Variants in C4orf54 observed in about 807,000 individuals in gnomAD.
C4orf54 encodes chromosome 4 open reading frame 54.
A neutral mutation model predicts 80.1 loss-of-function variants in C4orf54; 67 were observed. The observed-to-expected ratio is 0.84, with a 90% CI of 0.69 to 1.03. C4orf54 has a LOEUF of 1.03. Among genes scored for constraint, C4orf54 ranks in the 50% least tolerant of loss-of-function variants. C4orf54 has a pLI of 0.00. For synonymous variants in C4orf54, 1,000 were observed against 917.0 expected (o/e 1.09, Z -1.64); for missense variants, 2,434 against 2,253.5 (o/e 1.08, Z -1.62).
In C4orf54 at chr4:99,645,902, G is replaced by A. The variant is rs1160372741; in HGVS notation, c.*36+3329C>T. Among the ~76,000 whole-genome samples the A allele has an allele frequency of 5.9e-5, 9 of 152,292 alleles. No individual in the cohort carries two copies. In the East Asian group the frequency reaches 1.5e-3, roughly 26 times the overall value. On this transcript the variant is annotated intron_variant, in intron 2 of 2. Coordinates refer to ENST00000511828, the MANE Select transcript of C4orf54 (RefSeq NM_001354435.2). ...TTGTGCCTTAATCACAATGTGAGATGAGAGTACTGAATAATAATAAAGTGA... is the reference window on the plus strand; with the variant it reads ...TTGTGCCTTAATCACAATGTGAGATAAGAGTACTGAATAATAATAAAGTGA...
chr4:99,653,745 A>G lies in C4orf54; in HGVS notation c.904T>C (p.Ser302Pro), dbSNP rs757929506. The change falls in exon 2 of 3, where the codon TCC (serine) becomes CCC (proline). Residue 302 changes from serine to proline, a missense_variant. Ser to Pro is a moderately conservative substitution (Grantham distance 74, BLOSUM62 -1). Coordinates refer to ENST00000511828, the MANE Select transcript of C4orf54 (RefSeq NM_001354435.2). ...STGALATSSSSLGFESESGES... is the reference protein window; with the variant it reads ...STGALATSSSPLGFESESGES... ...CCACTCTCACTCTCGAAGCCTAAGGATGAAGAGGAGGTGGCCAGAGCCCCT... is the reference window on the plus strand; with the variant it reads ...CCACTCTCACTCTCGAAGCCTAAGGGTGAAGAGGAGGTGGCCAGAGCCCCT... 3 of 1,535,670 alleles carry G rather than the reference A, an allele frequency of 2.0e-6. No individual in the cohort carries two copies. Among genetic ancestry groups the G allele is most frequent in the Admixed American group, 3.9e-5 (2 of 50,958 alleles).
Position 99,651,839 on chromosome 4 carries a change from A to G in C4orf54, c.2810T>C (p.Leu937Pro). 1 of 1,536,004 alleles carries G rather than the reference A, an allele frequency of 6.5e-7. No homozygotes were observed. The highest frequency in any genetic ancestry group is 8.7e-7 in the Non-Finnish European group (1 of 1,146,890). The change falls in exon 2 of 3, where the codon CTC becomes CCC. Residue 937 changes from leucine (L) to proline (P), a missense_variant. Transcript: ENST00000511828. ...CCGGAACGCACTGTTCTGACTACGG[A>G]GGAAGATGCCCTTGACGGTCTCTGA... ...SASETVKGIF[L>P]RSQNSAFRSW...
chr4:99,649,883 G>C lies in C4orf54; in HGVS notation c.4766C>G (p.Pro1589Arg). ...FSPPSMPAPA[P>R]AASAPVPTDP... Reference sequence around the variant, plus strand: ...TGTGGGGACGGGAGCTGAGGCTGCAGGTGCTGGGGCAGGCATGCTGGGTGG... The same window carrying C: ...TGTGGGGACGGGAGCTGAGGCTGCACGTGCTGGGGCAGGCATGCTGGGTGG... Residue 1589 changes from proline (P) to arginine (R), a missense_variant, in exon 2 of 3, where the codon CCT becomes CGT. Transcript: ENST00000511828. 1 of 1,530,520 alleles carries C rather than the reference G, an allele frequency of 6.5e-7. No homozygotes were observed. The highest frequency in any genetic ancestry group is 1.4e-5 in the African/African-American group (1 of 73,056). 94.8% of individuals were successfully genotyped at this position (1,530,520 alleles called of 1,614,324 possible).
intron 2 of C4orf54, among the ~76,000 whole-genome samples, chr4:99,643,245 A>G (rs1303962118): frequency 6.6e-6 from 1 of 152,196 alleles, no homozygotes; most frequent in Non-Finnish European, 1.5e-5. Flanking sequence ...TTCAGTCTTC[A>G]CTACTCTCCT....
intron 1 of C4orf54, among the ~76,000 whole-genome samples, 103 bp downstream of exon 1, chr4:99,657,392 C>G (rs1178990955): frequency 6.6e-6 from 1 of 152,236 alleles, no homozygotes; most frequent in Non-Finnish European, 1.5e-5. Flanking sequence ...ACCCAAAGTT[C>G]TGAAAATCTA....
At position 99,649,888 on chromosome 4, in the gene C4orf54, T is replaced by C. The variant is rs1210263861; in HGVS notation, c.4761A>G (p.Pro1587=). 2.6e-6 allele frequency: 4 copies of C among 1,529,568 alleles called. No individual in the cohort carries two copies. In the East Asian group the frequency reaches 9.8e-5, roughly 38 times the overall value. The allele number at this position is 1,529,568 out of a possible 1,614,324, so 94.7% of individuals were successfully genotyped here. A position where few individuals can be genotyped will look rare whatever the true frequency, so the allele number is the denominator to read the frequency against. ...GGACGGGAGCTGAGGCTGCAGGTGCTGGGGCAGGCATGCTGGGTGGGGAGA... is the reference window on the plus strand; with the variant it reads ...GGACGGGAGCTGAGGCTGCAGGTGCCGGGGCAGGCATGCTGGGTGGGGAGA... ...LCFSPPSMPA[P]APAASAPVPT... is the part of the protein sequence containing the mutation. Residue 1587 remains proline (P), a synonymous_variant, in exon 2 of 3, where the codon CCA becomes CCG. Transcript: ENST00000511828.
chr4:99,651,530 C>G lies in C4orf54; in HGVS notation c.3119G>C (p.Ser1040Thr), dbSNP rs1451536600. 1 of 1,536,168 alleles carries G rather than the reference C, an allele frequency of 6.5e-7. No individual in the cohort carries two copies. Among genetic ancestry groups the G allele is most frequent in the Admixed American group, 2.0e-5 (1 of 51,004 alleles). ...KIRLGSVQQP[S>T]SDFNIAKLLT... ...CAACTTGGCAATGTTGAAGTCTGAG[C>G]TCGGCTGCTGCACACTCCCCAGCCG... Residue 1040 changes from serine (S) to threonine (T), a missense_variant, in exon 2 of 3, where the codon AGC (serine) becomes ACC (threonine). Transcript: ENST00000511828.
chr4:99,652,784 T>C lies in C4orf54; in HGVS notation c.1865A>G (p.Glu622Gly). ...AVSELDDADKEVRNLTSRAFR... is the reference protein window; with the variant it reads ...AVSELDDADKGVRNLTSRAFR... ...GGCCCGGGAGGTCAGGTTACGCACC[T>C]CTTTGTCCGCATCGTCCAGTTCGCT... The change falls in exon 2 of 3, where the codon GAG becomes GGG. Residue 622 changes from glutamate to glycine, a missense_variant. By Grantham distance (98) the Glu-to-Gly change is moderately conservative (BLOSUM62 -2). Coordinates refer to ENST00000511828, the MANE Select transcript of C4orf54 (RefSeq NM_001354435.2). 1.3e-6 allele frequency: 2 copies of C among 1,536,098 alleles called. No homozygotes were observed. Among genetic ancestry groups the C allele is most frequent in the Non-Finnish European group, 1.7e-6 (2 of 1,146,898 alleles).
intron 1 of C4orf54, among the ~76,000 whole-genome samples, chr4:99,655,775 T>C (rs1726969434): frequency 6.6e-6 from 1 of 152,216 alleles, no homozygotes; most frequent in Non-Finnish European, 1.5e-5. Context: ...CTGACCCTTG[T>C]CACCTGCCAG....
chr4:99,652,058 C>G lies in C4orf54; in HGVS notation c.2591G>C (p.Arg864Thr), dbSNP rs568216375. ...SERQRERGLQ[R>T]QSSRHSEAGS... The stretch of plus-strand genomic sequence containing the variant: ...GGCCTCGGAGTGACGAGAGCTCTGC[C>G]TCTGCAGGCCCCTCTCTCGCTGCCT... The change falls in exon 2 of 3, where the codon AGG becomes ACG. Residue 864 changes from arginine (R) to threonine (T), a missense_variant. Arg to Thr is a moderately conservative substitution (Grantham distance 71). Coordinates refer to ENST00000511828, the MANE Select transcript of C4orf54 (RefSeq NM_001354435.2). The G allele has an allele frequency of 9.8e-6, 15 of 1,536,146 alleles. No individual in the cohort carries two copies. The East Asian group carries it at 1.7e-4, about 18-fold the overall frequency.
Position 99,648,554 on chromosome 4 carries a change from A to AGTGTGTGTGT in C4orf54, c.*36+667_*36+676dup, listed in dbSNP as rs60651888. On this transcript the variant is annotated intron_variant, in intron 2 of 2. Transcript: ENST00000511828. ...ATCCTCCCTCCCCCATAGAGAACAA[A>AGTGTGTGTGT]GTGTGTGTGTGTGTGTGTGTGTGTG... Among the ~76,000 whole-genome samples the AGTGTGTGTGT allele has an allele frequency of 5.6e-4, 81 of 145,836 alleles. 1 individual carries two copies. The highest frequency in any genetic ancestry group is 1.2e-3 in the Admixed American group (17 of 14,604).
chr4:99,639,250 A>C lies in C4orf54; in HGVS notation c.*1983T>G, dbSNP rs1028082954. 2 of 152,128 alleles carry C rather than the reference A, an allele frequency of 1.3e-5. No homozygotes were observed. The highest frequency in any genetic ancestry group is 4.8e-5 in the African/African-American group (2 of 41,440). 9.4% of individuals were successfully genotyped at this position (152,128 alleles called of 1,614,324 possible). A position where few individuals can be genotyped will look rare whatever the true frequency, so the allele number is the denominator to read the frequency against. On this transcript the variant is annotated 3_prime_UTR_variant, in exon 3 of 3. Transcript: ENST00000511828. ...TATAGGTTTCACCAGGTGTATTCAA[A>C]TACTGGAGGTTTCTTGGTGCTGCTT...
chr4:99,650,504 G>A lies in C4orf54; in HGVS notation c.4145C>T (p.Thr1382Ile), dbSNP rs1344141341. ...IPPVHKDVER[T>I]QPLQPLPPLP... ...TGGTGGGAGGGGCTGCAGGGGTTGGGTTCTCTCTACATCCTTGTGGACTGG... is the reference window on the plus strand; with the variant it reads ...TGGTGGGAGGGGCTGCAGGGGTTGGATTCTCTCTACATCCTTGTGGACTGG... Residue 1382 changes from threonine (T) to isoleucine (I), a missense_variant, in exon 2 of 3, where the codon ACC (threonine) becomes ATC (isoleucine). Coordinates refer to ENST00000511828, the MANE Select transcript of C4orf54 (RefSeq NM_001354435.2). 3.3e-6 allele frequency: 5 copies of A among 1,535,988 alleles called. No homozygotes were observed. Among genetic ancestry groups the A allele is most frequent in the Non-Finnish European group, 4.4e-6 (5 of 1,146,906 alleles).
In C4orf54 at chr4:99,654,566, C is replaced by T. The variant is rs1472618527; in HGVS notation, c.83G>A (p.Arg28His). ...SSVADGIQTP[R>H]CCRRCQANNW... ...GTTTGCCTGGCACCGTCGGCAGCAGCGAGGAGTCTGAATGCCATCGGCCAC... is the reference window on the plus strand; with the variant it reads ...GTTTGCCTGGCACCGTCGGCAGCAGTGAGGAGTCTGAATGCCATCGGCCAC... Residue 28 changes from arginine to histidine, a missense_variant, in exon 2 of 3, where the codon CGC becomes CAC. Coordinates refer to ENST00000511828, the MANE Select transcript of C4orf54 (RefSeq NM_001354435.2). The T allele has an allele frequency of 3.0e-5, 21 of 702,866 alleles. No homozygotes were observed. Among genetic ancestry groups the T allele is most frequent in the East Asian group, 8.0e-5 (3 of 37,296 alleles). The allele number at this position is 702,866 out of a possible 1,614,324, so 43.5% of individuals were successfully genotyped here. A position where few individuals can be genotyped will look rare whatever the true frequency, so the allele number is the denominator to read the frequency against.
rs1560640522 is a variant in C4orf54, at chr4:99,652,931, G to A, written c.1718C>T (p.Ala573Val). The part of the protein sequence containing the change: ...NSSSLKQNPA[A>V]AVAQDHAKKF... ...CTTTGCATGGTCCTGAGCCACTGCT[G>A]CAGCCGGGTTTTGCTTCAGCGAACT... The change falls in exon 2 of 3, where the codon GCA becomes GTA. Residue 573 changes from alanine to valine, a missense_variant. Ala to Val is a moderately conservative substitution (Grantham distance 64). Transcript: ENST00000511828. 2 of 1,536,196 alleles carry A rather than the reference G, an allele frequency of 1.3e-6. No individual in the cohort carries two copies. Among genetic ancestry groups the A allele is most frequent in the Non-Finnish European group, 1.7e-6 (2 of 1,146,930 alleles).
chr4:99,651,416 C>T lies in C4orf54; in HGVS notation c.3233G>A (p.Gly1078Glu). 2 of 1,536,254 alleles carry T rather than the reference C, an allele frequency of 1.3e-6. No individual in the cohort carries two copies. The highest frequency in any genetic ancestry group is 1.7e-6 in the Non-Finnish European group (2 of 1,146,920). The change falls in exon 2 of 3, where the codon GGG (glycine) becomes GAG (glutamate). Residue 1078 changes from glycine (G) to glutamate (E), a missense_variant. By Grantham distance (98) the Gly-to-Glu change is moderately conservative. Transcript: ENST00000511828. ...NSRAQQKLFR[G>E]DNLEKVPHFQ... ...ATGGGGCACTTTTTCTAGGTTGTCC[C>T]CGCGGAAGAGTTTCTGCTGTGCCCT...
intron 2 of C4orf54, among the ~76,000 whole-genome samples, chr4:99,645,171 T>C (rs752563570): frequency 4.6e-5 from 7 of 151,996 alleles, no homozygotes; most frequent in Non-Finnish European, 7.4e-5. Context: ...CAATTTCCTC[T>C]TGGAATTTCA....
In C4orf54 at chr4:99,652,638, C is replaced by T. The variant is rs1402746300; in HGVS notation, c.2011G>A (p.Gly671Ser). 1 of 1,536,034 alleles carries T rather than the reference C, an allele frequency of 6.5e-7. No individual in the cohort carries two copies. The highest frequency in any genetic ancestry group is 8.7e-7 in the Non-Finnish European group (1 of 1,146,874). Residue 671 changes from glycine to serine, a missense_variant, in exon 2 of 3, where the codon GGT becomes AGT. Gly to Ser is a moderately conservative substitution (Grantham distance 56, BLOSUM62 0). Transcript: ENST00000511828. ...CTCTGCTCCACCCTGGCCCCAACAC[C>T]CCCACATTTTAAGTCCAGGAAAGTT... ...WSTFLDLKCG[G>S]VGARVEQSLL...
rs776891168 is a variant in C4orf54, at chr4:99,650,886, C to A, written c.3763G>T (p.Glu1255Ter). 4.6e-6 allele frequency: 7 copies of A among 1,536,184 alleles called. No individual in the cohort carries two copies. In the South Asian group the frequency reaches 7.1e-5, roughly 16 times the overall value. Reference protein sequence around the residue: ...KATKPARNALEKLTAAVRSME... With the variant: ...KATKPARNAL Reference sequence around the variant, plus strand: ...GACCTCACGGCTGCAGTCAGCTTCTCCAGGGCATTCCGGGCTGGCTTCGTG... The same window carrying A: ...GACCTCACGGCTGCAGTCAGCTTCTACAGGGCATTCCGGGCTGGCTTCGTG... The change falls in exon 2 of 3, where the codon GAG becomes TAG. Residue 1255 changes from glutamate to a stop codon, truncating the protein, a stop_gained. Transcript: ENST00000511828. LOFTEE classifies it high-confidence loss of function.
Sources: allele counts gnomAD v4.1 joint callset (sites outside exome capture counted in the v4.1 genomes callset), GRCh38; gene constraint gnomAD v4.1.1; transcripts MANE v1.5; gene names NCBI Gene and HGNC (gene_info 2026-07-23, HGNC 2026-07-21).